ZNF470: variants seen among roughly 807,000 people sequenced by gnomAD.
ZNF470 encodes the protein zinc finger protein 470.
In ZNF470, 13 loss-of-function variants were observed where a neutral mutation model predicts 13.9. The ratio of observed to expected loss-of-function variants is 0.94; its 90% CI spans 0.61 to 1.49. The LOEUF is 1.49. ZNF470 is among the 40% of genes most tolerant of loss of function. The pLI is 0.00. For synonymous variants in ZNF470, 293 were observed against 282.9 expected (o/e 1.04, Z -0.36); for missense variants, 929 against 857.3 (o/e 1.08, Z -1.04).
rs1156802987 is a variant in ZNF470 at position 56,576,706 on chromosome 19, C to T, written c.284-7C>T. On this transcript the variant is annotated splice_region_variant and splice_polypyrimidine_tract_variant and intron_variant, in intron 5 of 5. Transcript: ENST00000330619. ...AAGGAGACATTTACTTTCTTAATAT[C>T]TTTCAGACTTGGAGTGTGTGTGGGT... 8.0e-6 allele frequency: 11 copies of T among 1,371,766 alleles called. No homozygotes were observed. Among genetic ancestry groups the T allele is most frequent in the African/African-American group, 1.5e-5 (1 of 67,796 alleles). 85.0% of individuals were successfully genotyped at this position (1,371,766 alleles called of 1,614,324 possible).
rs988433274 is a variant in ZNF470 at position 56,580,501 on chromosome 19, T to C, written c.*1918T>C. 6.6e-6 allele frequency: 1 copy of C among 152,230 alleles called. No homozygotes were observed. The highest frequency in any genetic ancestry group is 1.5e-5 in the Non-Finnish European group (1 of 68,138). 9.4% of individuals were successfully genotyped at this position (152,230 alleles called of 1,614,324 possible). On this transcript the variant is annotated 3_prime_UTR_variant, in exon 6 of 6. Transcript: ENST00000330619. ...TATGGCTTTTAGTTCATTCACGGAG[T>C]TGTGCAACCATCACCACCATCAATT...
intron 3 of ZNF470, among the ~76,000 whole-genome samples, 177 bp downstream of exon 3, chr19:56,570,548 G>T (rs1292107651): frequency 1.3e-5 from 2 of 152,196 alleles, no homozygotes; most frequent in Non-Finnish European, 2.9e-5. Flanking sequence ...ACACAGCCCA[G>T]TGCCCTCTCA....
In ZNF470 at chr19:56,577,330, C is replaced by T; in HGVS notation, c.901C>T (p.Gln301Ter). Reference sequence around the variant, plus strand: ...CTTCAGCCAGAATGCTCATCTTGTTCAACACCAGAGAGTTCATACTGGAGA... The same window carrying T: ...CTTCAGCCAGAATGCTCATCTTGTTTAACACCAGAGAGTTCATACTGGAGA... ...KAFSQNAHLV[Q>*]HQRVHTGEKP... Residue 301 changes from glutamine (Q) to a stop codon, truncating the protein, a stop_gained, in exon 6 of 6, where the codon CAA becomes TAA. Coordinates refer to ENST00000330619, the MANE Select transcript of ZNF470 (RefSeq NM_001001668.4). LOFTEE classifies it low-confidence loss of function (END_TRUNC). 1 of 1,613,798 alleles carries T rather than the reference C, an allele frequency of 6.2e-7. No homozygotes were observed.
chr19:56,572,154 C>G (rs2044456299), intron 3 of ZNF470, among the ~76,000 whole-genome samples: 1 of 149,152 alleles, frequency 6.7e-6, no homozygotes, highest in Non-Finnish European at 1.5e-5. Context: ...GTGAAAGTTG[C>G]TATAAAACCA....
At chr19:56,573,588 C>T (rs2044469579) in intron 3 of ZNF470, among the ~76,000 whole-genome samples, 1 of 152,222 alleles carries the variant, frequency 6.6e-6, no homozygotes, top group Non-Finnish European at 1.5e-5. Context: ...TAACAAAACA[C>T]AGGTTGCTTG....
rs752849634 is a variant in ZNF470, at chr19:56,578,500, C to T, written c.2071C>T (p.His691Tyr). 6.2e-7 allele frequency: 1 copy of T among 1,606,682 alleles called. No homozygotes were observed. Among genetic ancestry groups the T allele is most frequent in the Non-Finnish European group, 8.5e-7 (1 of 1,176,702 alleles). Reference protein sequence around the residue: ...ECGKAFRQSVHLAHHQRIHTG... With the variant: ...ECGKAFRQSVYLAHHQRIHTG... ...TGGAAAAGCCTTCAGGCAGAGTGTA[C>T]ATCTTGCTCATCATCAGCGAATTCA... Residue 691 changes from histidine (H) to tyrosine (Y), a missense_variant, in exon 6 of 6, where the codon CAT (histidine) becomes TAT (tyrosine). By Grantham distance (83) the His-to-Tyr change is moderately conservative. Coordinates refer to ENST00000330619, the MANE Select transcript of ZNF470 (RefSeq NM_001001668.4).
intron 3 of ZNF470, among the ~76,000 whole-genome samples, chr19:56,573,351 TGG>T (rs1164223902): frequency 6.6e-6 from 1 of 152,218 alleles, no homozygotes; most frequent in Admixed American, 6.5e-5. Flanking sequence ...ATTTTTCAGA[TGG>T]GAAAACTGAG....
chr19:56,581,445 G>T lies in ZNF470; in HGVS notation c.*2862G>T, dbSNP rs1244669850. On this transcript the variant is annotated 3_prime_UTR_variant, in exon 6 of 6. Transcript: ENST00000330619. Reference sequence around the variant, plus strand: ...TTCCTTGGAAACCAACATATACAAAGGTAGATAAATGTATTAGTGGCAAAA... The same window carrying T: ...TTCCTTGGAAACCAACATATACAAATGTAGATAAATGTATTAGTGGCAAAA... 8.3e-6 allele frequency: 8 copies of T among 961,394 alleles called. No homozygotes were observed. In the African/African-American group the frequency reaches 1.4e-4, roughly 17 times the overall value. 59.6% of individuals were successfully genotyped at this position (961,394 alleles called of 1,614,324 possible). A position where few individuals can be genotyped will look rare whatever the true frequency, so the allele number is the denominator to read the frequency against.
intron 5 of ZNF470, among the ~76,000 whole-genome samples, chr19:56,575,170 G>T (rs891173547): frequency 6.6e-6 from 1 of 151,698 alleles, no homozygotes; most frequent in Non-Finnish European, 1.5e-5. Flanking sequence ...ATTTATTCTT[G>T]TTTTGTTGTT....
rs1389453610 is a variant in ZNF470 at position 56,567,491 on chromosome 19, G to A, written c.-706G>A. 6 of 985,836 alleles carry A rather than the reference G, an allele frequency of 6.1e-6. No homozygotes were observed. The highest frequency in any genetic ancestry group is 7.2e-6 in the Non-Finnish European group (6 of 830,358). The allele number at this position is 985,836 out of a possible 1,614,324, so 61.1% of individuals were successfully genotyped here. On this transcript the variant is annotated 5_prime_UTR_variant, in exon 1 of 6. Transcript: ENST00000330619. ...CCACTTCCGGAAAGGACCCAAAGCC[G>A]GGCGAGTGCACGTCCCGCCGGTTGC...
intron 1 of ZNF470, 109 bp downstream of exon 1, chr19:56,568,147 A>G (rs556319622): frequency 2.7e-4 from 267 of 980,966 alleles, no homozygotes; most frequent in Non-Finnish European, 3.2e-4. Context: ...TTCTAAGGCT[A>G]GTGGACCTGG....
rs1177773977 is a variant in ZNF470 at position 56,576,906 on chromosome 19, G to T, written c.477G>T (p.Glu159Asp). The change falls in exon 6 of 6, where the codon GAG becomes GAT. Residue 159 changes from glutamate (E) to aspartate (D), a missense_variant. Physicochemically the swap from Glu to Asp is conservative, Grantham distance 45. Coordinates refer to ENST00000330619, the MANE Select transcript of ZNF470 (RefSeq NM_001001668.4). ...LVNQKTHFRQ[E>D]TITHIDTLIE... ...ACCAGAAGACACATTTTAGGCAAGAGACCATCACTCATATAGATACTCTTA... is the reference window on the plus strand; with the variant it reads ...ACCAGAAGACACATTTTAGGCAAGATACCATCACTCATATAGATACTCTTA... 6.3e-7 allele frequency: 1 copy of T among 1,576,060 alleles called. No individual in the cohort carries two copies. Among genetic ancestry groups the T allele is most frequent in the South Asian group, 1.2e-5 (1 of 84,230 alleles).
In ZNF470 at chr19:56,574,713, T is replaced by G. The variant is rs1433908669; in HGVS notation, c.263T>G (p.Met88Arg). The G allele has an allele frequency of 6.2e-7, 1 of 1,613,708 alleles. No homozygotes were observed. Among genetic ancestry groups the G allele is most frequent in the Non-Finnish European group, 8.5e-7 (1 of 1,179,742 alleles). Residue 88 changes from methionine to arginine, a missense_variant, in exon 5 of 6, where the codon ATG (methionine) becomes AGG (arginine). Met to Arg is a moderately conservative substitution (Grantham distance 91). Transcript: ENST00000330619. ...GACCCTTGGGTGATAAAAGGAGGGATGAACAGAGGCCTGTGCCCAGGTAAG... is the reference window on the plus strand; with the variant it reads ...GACCCTTGGGTGATAAAAGGAGGGAGGAACAGAGGCCTGTGCCCAGGTAAG... ...EKDPWVIKGG[M>R]NRGLCPDLEC...
chr19:56,568,291 G>A (rs1204642640), intron 1 of ZNF470, among the ~76,000 whole-genome samples: 1 of 152,080 alleles, frequency 6.6e-6, no homozygotes, highest in East Asian at 1.9e-4. Context: ...AGGGCCCATG[G>A]GAGAGAACAC....
In ZNF470 at chr19:56,577,191, A is replaced by G; in HGVS notation, c.762A>G (p.Lys254=). ...TLHQRIHTGE[K]PYECIECGKA... Reference sequence around the variant, plus strand: ...ACCAAAGAATTCATACAGGAGAGAAACCCTATGAATGTATTGAATGTGGAA... The same window carrying G: ...ACCAAAGAATTCATACAGGAGAGAAGCCCTATGAATGTATTGAATGTGGAA... Residue 254 remains lysine (K), a synonymous_variant, in exon 6 of 6, where the codon AAA becomes AAG. Coordinates refer to ENST00000330619, the MANE Select transcript of ZNF470 (RefSeq NM_001001668.4). 3 of 1,613,000 alleles carry G rather than the reference A, an allele frequency of 1.9e-6. No individual in the cohort carries two copies. The highest frequency in any genetic ancestry group is 2.5e-6 in the Non-Finnish European group (3 of 1,179,686).
rs186708204 is a variant in ZNF470, at chr19:56,580,877, T to C, written c.*2294T>C. ...GAAAAGGTGGTTTGATCAAATGGCA[T>C]TGGGAAACTTAGCTCACTGGAAAAA... is the stretch of plus-strand genomic sequence containing the variant. On this transcript the variant is annotated 3_prime_UTR_variant, in exon 6 of 6. Coordinates refer to ENST00000330619, the MANE Select transcript of ZNF470 (RefSeq NM_001001668.4). 1.3e-5 allele frequency: 13 copies of C among 985,228 alleles called. No individual in the cohort carries two copies. The highest frequency in any genetic ancestry group is 1.2e-4 in the Admixed American group (2 of 16,254). The allele number at this position is 985,228 out of a possible 1,614,324, so 61.0% of individuals were successfully genotyped here.
At position 56,567,916 on chromosome 19, in the gene ZNF470, C is replaced by T. The variant is rs2044423178; in HGVS notation, c.-281C>T. Reference sequence around the variant, plus strand: ...AGTCCTAGAGCCCGGGGAAGTTGCCCGGGCGGGGCAGCCTCGGCTGAAGCA... The same window carrying T: ...AGTCCTAGAGCCCGGGGAAGTTGCCTGGGCGGGGCAGCCTCGGCTGAAGCA... On this transcript the variant is annotated 5_prime_UTR_variant, in exon 1 of 6. Transcript: ENST00000330619. The T allele has an allele frequency of 1.0e-6, 1 of 984,150 alleles. No homozygotes were observed. Among genetic ancestry groups the T allele is most frequent in the Admixed American group, 6.2e-5 (1 of 16,194 alleles). The allele number at this position is 984,150 out of a possible 1,614,324, so 61.0% of individuals were successfully genotyped here. A position where few individuals can be genotyped will look rare whatever the true frequency, so the allele number is the denominator to read the frequency against.
intron 2 of ZNF470, among the ~76,000 whole-genome samples, chr19:56,569,834 A>G (rs2044437735): frequency 6.6e-6 from 1 of 152,066 alleles, no homozygotes; most frequent in Non-Finnish European, 1.5e-5. Context: ...TATCAAAAGT[A>G]AAAAAACTAG....
rs2044524915 is a variant in ZNF470, at chr19:56,580,170, T to G, written c.*1587T>G. The G allele has an allele frequency of 1.0e-6, 1 of 980,604 alleles. No individual in the cohort carries two copies. The highest frequency in any genetic ancestry group is 4.7e-5 in the South Asian group (1 of 21,138). 60.7% of individuals were successfully genotyped at this position (980,604 alleles called of 1,614,324 possible). A position where few individuals can be genotyped will look rare whatever the true frequency, so the allele number is the denominator to read the frequency against. ...CCCAGAACATGTTGGTATTAGAGGA[T>G]GAGGGAAGAACTAGAGGTAACTGTG... is the stretch of plus-strand genomic sequence containing the variant. On this transcript the variant is annotated 3_prime_UTR_variant, in exon 6 of 6. Coordinates refer to ENST00000330619, the MANE Select transcript of ZNF470 (RefSeq NM_001001668.4).
Sources: allele counts gnomAD v4.1 joint callset (sites outside exome capture counted in the v4.1 genomes callset), GRCh38; gene constraint gnomAD v4.1.1; transcripts MANE v1.5; gene names NCBI Gene and HGNC (gene_info 2026-07-23, HGNC 2026-07-21).